Variants in HACD2 observed in about 807,000 individuals in gnomAD.
The protein encoded by HACD2 is 3-hydroxyacyl-CoA dehydratase 2.
In HACD2, 15 loss-of-function variants were observed where a neutral mutation model predicts 31.0. The observed-to-expected ratio is 0.48, with a 90% CI of 0.32 to 0.75. HACD2 has a LOEUF of 0.75. Among genes scored for constraint, HACD2 ranks in the 30% least tolerant of loss-of-function variants. The pLI is 0.03. For missense variants in HACD2, 283 were observed against 313.0 expected (o/e 0.90, Z 0.72); for synonymous variants, 115 against 122.2 (o/e 0.94, Z 0.39).
At chr3:123,526,722 C>T (rs1051483956) in intron 4 of HACD2, among the ~76,000 whole-genome samples, 17 of 152,130 alleles carry the variant, frequency 1.1e-4, no homozygotes, top group African/African-American at 3.6e-4. Flanking sequence ...TGGCAGGCAG[C>T]ATGGTTATGG....
In HACD2 at chr3:123,582,279, C is replaced by CA. The variant is rs1294377308; in HGVS notation, c.205_206insT (p.Ser69MetfsTer4). 2 of 1,609,644 alleles carry CA rather than the reference C, an allele frequency of 1.2e-6. No homozygotes were observed. Among genetic ancestry groups the CA allele is most frequent in the Non-Finnish European group, 1.7e-6 (2 of 1,177,804 alleles). On this transcript the variant is annotated frameshift_variant, in exon 2 of 7. Transcript: ENST00000383657. LOFTEE classifies it high-confidence loss of function. Reference sequence around the variant, plus strand: ...AATTGAATAATAAAGGCTATGGTAGCTACCCTTAGCCAGGTATGCTCGGAC... The same window carrying CA: ...AATTGAATAATAAAGGCTATGGTAGCATACCCTTAGCCAGGTATGCTCGGAC...
chr3:123,583,697 T>G (rs1002275906), intron 1 of HACD2, among the ~76,000 whole-genome samples: 2 of 152,218 alleles, frequency 1.3e-5, no homozygotes, highest in Non-Finnish European at 2.9e-5. Context: ...GTAAAAATAT[T>G]AATATATTGG....
intron 4 of HACD2, among the ~76,000 whole-genome samples, chr3:123,509,732 C>A (rs1393623247): frequency 6.6e-6 from 1 of 152,058 alleles, no homozygotes; most frequent in Non-Finnish European, 1.5e-5. Context: ...ATCTCCTGAC[C>A]TCGTGATCCG....
chr3:123,565,971 C>T (rs2056786665), intron 3 of HACD2, among the ~76,000 whole-genome samples: 1 of 152,136 alleles, frequency 6.6e-6, no homozygotes, highest in Non-Finnish European at 1.5e-5. Context: ...ATGAGCTTCC[C>T]CATTTACCAG....
chr3:123,543,275 C>G (rs2056516336), intron 3 of HACD2, among the ~76,000 whole-genome samples: 1 of 152,164 alleles, frequency 6.6e-6, no homozygotes, highest in African/African-American at 2.4e-5. Context: ...TGATTTCAAA[C>G]TAAACCCTGA....
chr3:123,573,003 A>G (rs1403016677), intron 2 of HACD2, among the ~76,000 whole-genome samples: 3 of 152,210 alleles, frequency 2.0e-5, no homozygotes, highest in Admixed American at 6.5e-5. Flanking sequence ...TGTAGCTGCT[A>G]AGGGTCCAGC....
intron 1 of HACD2, 82 bp downstream of exon 1, chr3:123,584,791 C>G (rs1317163170): frequency 1.7e-6 from 2 of 1,151,246 alleles, no homozygotes; most frequent in African/African-American, 3.3e-5. Context: ...CGGGCCGCGC[C>G]GATCCTATCC....
intron 1 of HACD2, among the ~76,000 whole-genome samples, chr3:123,582,826 G>A (rs1159704704): frequency 1.3e-5 from 2 of 151,492 alleles, no homozygotes; most frequent in East Asian, 3.9e-4. Flanking sequence ...TTAAAATTAC[G>A]AATAAAGGGC....
At chr3:123,575,739 C>T (rs1254387) in intron 2 of HACD2, among the ~76,000 whole-genome samples, 4,627 of 152,186 alleles carry the variant, frequency 0.03, 77 homozygotes, top group Middle Eastern at 0.085. Flanking sequence ...TCCTACTACA[C>T]GGGGATTTTT....
rs886413764 is a variant in HACD2, at chr3:123,547,140, G to A, written c.293-18666C>T. On this transcript the variant is annotated intron_variant, in intron 3 of 6. Transcript: ENST00000383657. ...GATATAAATGAAGTATTTAACGAAC[G>A]TACTTAACTATTATAAATAGTTGAT... Among the ~76,000 whole-genome samples the A allele has an allele frequency of 5.3e-5, 8 of 152,094 alleles. No individual in the cohort carries two copies. The East Asian group carries it at 1.3e-3, about 26-fold the overall frequency.
chr3:123,521,906 CA>C (rs149453289), intron 4 of HACD2, among the ~76,000 whole-genome samples: 3,746 of 152,130 alleles, frequency 0.025, 67 homozygotes, highest in Middle Eastern at 0.088. Context: ...AAATCATCAT[CA>C]GGGGATATTA....
At chr3:123,561,956 C>T (rs2056734477) in intron 3 of HACD2, among the ~76,000 whole-genome samples, 1 of 152,014 alleles carries the variant, frequency 6.6e-6, no homozygotes, top group Non-Finnish European at 1.5e-5. Context: ...GGACTACAGG[C>T]GCCTGCCACC....
At chr3:123,579,573 G>A (rs1027776772) in intron 2 of HACD2, among the ~76,000 whole-genome samples, 1 of 152,002 alleles carries the variant, frequency 6.6e-6, no homozygotes, top group African/African-American at 2.4e-5. Context: ...CAAAGCTCTG[G>A]GATTGCTGGG....
At chr3:123,514,608 T>C (rs9816448) in intron 4 of HACD2, among the ~76,000 whole-genome samples, 25,373 of 152,112 alleles carry the variant, frequency 0.17, 2,722 homozygotes, top group African/African-American at 0.29. Flanking sequence ...CAAGCGTACA[T>C]GAATGGAAGG....
intron 4 of HACD2, among the ~76,000 whole-genome samples, chr3:123,508,944 T>C (rs2056014223): frequency 6.6e-6 from 1 of 152,176 alleles, no homozygotes; most frequent in Non-Finnish European, 1.5e-5. Flanking sequence ...GTATCTTTTT[T>C]CATAAGGGTG....
chr3:123,582,537 G>A lies in HACD2; in HGVS notation c.156-208C>T, dbSNP rs9810859. Among the ~76,000 whole-genome samples the A allele has an allele frequency of 5.4e-3, 816 of 152,262 alleles. 2 individuals carry two copies. The highest frequency in any genetic ancestry group is 0.019 in the African/African-American group (800 of 41,546). On this transcript the variant is annotated intron_variant, in intron 1 of 6. Transcript: ENST00000383657. ...CAGCACCTTACCAAGAGGGCTCAGT[G>A]AAAGCATAGTGGCACCTCACCCATC...
intron 3 of HACD2, among the ~76,000 whole-genome samples, chr3:123,542,359 T>C (rs1421393226): frequency 6.6e-6 from 1 of 152,136 alleles, no homozygotes; most frequent in African/African-American, 2.4e-5. Flanking sequence ...TTTCTATAAG[T>C]AACTTAGTGA....
At chr3:123,550,511 C>T (rs955860427) in intron 3 of HACD2, among the ~76,000 whole-genome samples, 1 of 152,030 alleles carries the variant, frequency 6.6e-6, no homozygotes, top group Non-Finnish European at 1.5e-5. Context: ...ACACAAGTGG[C>T]AGAGAAATGA....
chr3:123,553,811 G>A (rs897993911), intron 3 of HACD2, among the ~76,000 whole-genome samples: 1 of 152,020 alleles, frequency 6.6e-6, no homozygotes, highest in Non-Finnish European at 1.5e-5. Context: ...CAATATATTT[G>A]TATCTGGCCC....
Sources: gnomAD v4.1 joint callset for allele counts (sites outside exome capture counted in the v4.1 genomes callset) on GRCh38, gnomAD v4.1.1 for gene constraint, MANE v1.5 for transcripts, NCBI Gene and HGNC (gene_info 2026-07-23, HGNC 2026-07-21) for gene names.